The following DLGAP2 variants were observed in gnomAD, a reference collection of about 807,000 sequenced individuals.
DLGAP2 encodes DLG associated protein 2.
Under a neutral mutation model 100.3 loss-of-function variants are expected in DLGAP2, and 26 were observed. The observed-to-expected ratio is 0.26, with a 90% CI of 0.19 to 0.36. The LOEUF (loss-of-function observed/expected upper bound fraction) is 0.36, where lower values mean the gene tolerates loss of function less well. Among genes scored for constraint, DLGAP2 ranks in the 10% least tolerant of loss-of-function variants. DLGAP2 has a pLI of 1.00. For synonymous variants in DLGAP2, 886 were observed against 630.1 expected (o/e 1.41, Z -6.08); for missense variants, 1,858 against 1,453.2 (o/e 1.28, Z -4.53).
At chr8:1,445,195 G>A (rs1038048459) in intron 3 of DLGAP2, among the ~76,000 whole-genome samples, 2 of 147,106 alleles carry the variant, frequency 1.4e-5, no homozygotes, top group Admixed American at 6.8e-5. Flanking sequence ...CCATTAACTC[G>A]TCATTTAGCA....
At position 1,093,786 on chromosome 8, in the gene DLGAP2, A is replaced by C. The variant is rs138257053; in HGVS notation, c.74-165065A>C. Among the ~76,000 whole-genome samples, 63 of 152,362 alleles carry C rather than the reference A, an allele frequency of 4.1e-4. No homozygotes were observed. In the East Asian group the frequency reaches 0.011, roughly 26 times the overall value. On this transcript the variant is annotated intron_variant, in intron 2 of 14. Transcript: ENST00000637795. ...GCACCATGGCCCACCAGGTGAATACACGACATCAGCCATCATGGGCAGGCA... is the reference window on the plus strand; with the variant it reads ...GCACCATGGCCCACCAGGTGAATACCCGACATCAGCCATCATGGGCAGGCA...
intron 6 of DLGAP2, among the ~76,000 whole-genome samples, chr8:1,606,338 G>A (rs571662407): frequency 5.9e-5 from 9 of 152,168 alleles, no homozygotes; most frequent in East Asian, 1.9e-4. Flanking sequence ...GGACTTGCGC[G>A]AACATCAGTG....
intron 3 of DLGAP2, among the ~76,000 whole-genome samples, chr8:1,361,897 C>G (rs554601927): frequency 2.6e-5 from 4 of 152,202 alleles, no homozygotes; most frequent in Non-Finnish European, 5.9e-5. Flanking sequence ...TCTGTGCTCT[C>G]CTGGGCACTA....
intron 2 of DLGAP2, among the ~76,000 whole-genome samples, chr8:1,075,638 T>C (rs192712984): frequency 1.6e-4 from 25 of 152,298 alleles, no homozygotes; most frequent in Admixed American, 1.2e-3. Context: ...ACGTCCTTGA[T>C]GACCACTTGA....
intron 2 of DLGAP2, among the ~76,000 whole-genome samples, chr8:937,173 C>CT (rs1367169126): frequency 1.3e-5 from 2 of 152,186 alleles, no homozygotes; most frequent in East Asian, 3.9e-4. Flanking sequence ...GAGGTGCTGC[C>CT]TGTCTTGCTG....
At chr8:1,693,547 T>A (rs76454787) in intron 13 of DLGAP2, among the ~76,000 whole-genome samples, 4,861 of 152,290 alleles carry the variant, frequency 0.032, 113 homozygotes, top group East Asian at 0.063. Context: ...AGGCCTCGCG[T>A]AGCAATGGTG....
chr8:822,106 C>T (rs768561492), intron 1 of DLGAP2: 51 of 399,168 alleles, frequency 1.3e-4, no homozygotes, highest in Non-Finnish European at 1.9e-4. Flanking sequence ...TCTCGCCATC[C>T]GAGGCTTGGC....
intron 1 of DLGAP2, among the ~76,000 whole-genome samples, chr8:833,946 C>T (rs1796826469): frequency 6.6e-6 from 1 of 152,186 alleles, no homozygotes; most frequent in Admixed American, 6.5e-5. Context: ...CTGGTGGCTC[C>T]TCAGTGGGAC....
chr8:1,701,645 T>G lies in DLGAP2; in HGVS notation c.*239T>G. On this transcript the variant is annotated 3_prime_UTR_variant, in exon 15 of 15. Coordinates refer to ENST00000637795, the MANE Select transcript of DLGAP2 (RefSeq NM_001346810.2). ...TGTTCACGGGTGGCCTGGCTCACAC[T>G]TGGCTCTGAGGGACAGGTGTGGCGA... 1 of 566,956 alleles carries G rather than the reference T, an allele frequency of 1.8e-6. No homozygotes were observed. Among genetic ancestry groups the G allele is most frequent in the Non-Finnish European group, 3.1e-6 (1 of 325,778 alleles). The allele number at this position is 566,956 out of a possible 1,614,324, so 35.1% of individuals were successfully genotyped here. A position where few individuals can be genotyped will look rare whatever the true frequency, so the allele number is the denominator to read the frequency against.
chr8:1,253,860 G>C (rs1799108595), intron 2 of DLGAP2, among the ~76,000 whole-genome samples: 1 of 152,208 alleles, frequency 6.6e-6, no homozygotes, highest in African/African-American at 2.4e-5. Flanking sequence ...CATTGAAAGG[G>C]TCCGTGCTGC....
intron 1 of DLGAP2, among the ~76,000 whole-genome samples, chr8:884,619 C>T (rs1320114651): frequency 2.0e-5 from 3 of 152,072 alleles, no homozygotes; most frequent in Admixed American, 2.0e-4. Context: ...TTGCTCTGCA[C>T]AAGCTCTTTA....
At chr8:1,224,692 T>C (rs1798380056) in intron 2 of DLGAP2, among the ~76,000 whole-genome samples, 1 of 152,156 alleles carries the variant, frequency 6.6e-6, no homozygotes, top group African/African-American at 2.4e-5. Context: ...CTTACAAGAA[T>C]AAAATGAATT....
intron 2 of DLGAP2, among the ~76,000 whole-genome samples, chr8:948,907 G>A (rs1406236595): frequency 6.6e-6 from 1 of 150,888 alleles, no homozygotes; most frequent in Non-Finnish European, 1.5e-5. Flanking sequence ...GCCCGTGGGC[G>A]TGACTGCCGC....
intron 2 of DLGAP2, among the ~76,000 whole-genome samples, chr8:1,220,064 TA>T (rs572415895): frequency 1.3e-5 from 2 of 152,214 alleles, no homozygotes; most frequent in African/African-American, 4.8e-5. Flanking sequence ...AAAACCAACT[TA>T]TGGTTTTGTT....
intron 3 of DLGAP2, among the ~76,000 whole-genome samples, chr8:1,302,989 G>A (rs1024527256): frequency 6.6e-6 from 1 of 152,232 alleles, no homozygotes; most frequent in African/African-American, 2.4e-5. Context: ...TTCCTTAGCT[G>A]TCGGCTGCAG....
At chr8:1,242,598 G>C (rs1339224991) in intron 2 of DLGAP2, among the ~76,000 whole-genome samples, 1 of 152,208 alleles carries the variant, frequency 6.6e-6, no homozygotes, top group South Asian at 2.1e-4. Flanking sequence ...TGAGCCCTCT[G>C]CGCCACTCCT....
At chr8:1,498,677 G>C (rs1433167207) in intron 3 of DLGAP2, among the ~76,000 whole-genome samples, 1 of 152,140 alleles carries the variant, frequency 6.6e-6, no homozygotes, top group African/African-American at 2.4e-5. Flanking sequence ...AATGAAATCG[G>C]CATTTATAAC....
intron 1 of DLGAP2, among the ~76,000 whole-genome samples, chr8:791,411 G>A (rs897283406): frequency 2.0e-5 from 3 of 152,084 alleles, no homozygotes; most frequent in Non-Finnish European, 2.9e-5. Flanking sequence ...GTTTTTAAAT[G>A]TTCTAAAAAA....
At chr8:1,159,511 C>T (rs1422905200) in intron 2 of DLGAP2, among the ~76,000 whole-genome samples, 1 of 152,132 alleles carries the variant, frequency 6.6e-6, no homozygotes, top group Admixed American at 6.6e-5. Context: ...TATGGAGACA[C>T]TGGATTTTTA....
Sources: gnomAD v4.1 joint callset for allele counts (sites outside exome capture counted in the v4.1 genomes callset) on GRCh38, gnomAD v4.1.1 for gene constraint, MANE v1.5 for transcripts, NCBI Gene and HGNC (gene_info 2026-07-23, HGNC 2026-07-21) for gene names.